KANK1: variants seen among roughly 807,000 people sequenced by gnomAD.
KANK1 encodes KN motif and ankyrin repeat domains 1, also known as KN motif and ankyrin repeat domain-containing protein 1.
Under a neutral mutation model 106.2 loss-of-function variants are expected in KANK1, and 109 were observed. The ratio of observed to expected loss-of-function variants is 1.03; its 90% CI spans 0.88 to 1.20. KANK1 has a LOEUF of 1.20. Among genes scored for constraint, KANK1 ranks in the 50% most tolerant of loss-of-function variants. KANK1 has a pLI of 0.00. For synonymous variants in KANK1, 873 were observed against 652.2 expected, an observed-to-expected ratio of 1.34 and a Z score of -5.16; for missense variants, 2,399 against 1,710.7, an observed-to-expected ratio of 1.40 and a Z score of -7.10.
In KANK1 at chr9:625,160, A is replaced by G. The variant is rs531244220; in HGVS notation, c.-83-51730A>G. Among the ~76,000 whole-genome samples, 3 of 152,294 alleles carry G rather than the reference A, an allele frequency of 2.0e-5. No homozygotes were observed. In the South Asian group the frequency reaches 6.2e-4, roughly 32 times the overall value. On this transcript the variant is annotated intron_variant, in intron 1 of 11. Coordinates refer to ENST00000382297, the MANE Select transcript of KANK1 (RefSeq NM_015158.5). ...CTTATTTGGCAGCGAATTCCTGCAG[A>G]TCAGCTCTAAGAGCCAGATTTCCTC...
intron 1 of KANK1, among the ~76,000 whole-genome samples, chr9:587,817 GC>G (rs1202820414): frequency 6.6e-6 from 1 of 152,210 alleles, no homozygotes; most frequent in Non-Finnish European, 1.5e-5. Context: ...TGTAATGCCA[GC>G]ACTTTAGGAG....
chr9:470,814 C>T (rs1168499886), intron 2 of KANK1: 1 of 152,266 alleles, frequency 6.6e-6, no homozygotes. Flanking sequence ...GGCCTTTCAC[C>T]CCCTAGTTTT....
chr9:592,493 C>T lies in KANK1; in HGVS notation c.-83-84397C>T, dbSNP rs920728941. On this transcript the variant is annotated intron_variant, in intron 1 of 11. Coordinates refer to ENST00000382297, the MANE Select transcript of KANK1 (RefSeq NM_015158.5). ...CTGTGAGCACCCCGATCCCCTAGTC[C>T]GCTCTTTCACTGGATACCTGTGTCT... is the stretch of plus-strand genomic sequence containing the variant. Among the ~76,000 whole-genome samples the T allele has an allele frequency of 6.6e-5, 10 of 151,842 alleles. No homozygotes were observed. The East Asian group carries it at 1.2e-3, about 18-fold the overall frequency.
chr9:653,460 T>C (rs1841378628), intron 1 of KANK1, among the ~76,000 whole-genome samples: 1 of 152,004 alleles, frequency 6.6e-6, no homozygotes, highest in Non-Finnish European at 1.5e-5. Flanking sequence ...AATAGGACTT[T>C]TGTTCAGATC....
intron 1 of KANK1, among the ~76,000 whole-genome samples, chr9:653,324 A>G (rs1051676574): frequency 1.3e-5 from 2 of 152,080 alleles, no homozygotes; most frequent in African/African-American, 4.8e-5. Flanking sequence ...TAGTGCTACT[A>G]CTTTGCTTGT....
At chr9:482,696 CAG>C (rs1449979525) in intron 3 of KANK1, among the ~76,000 whole-genome samples, 1 of 152,216 alleles carries the variant, frequency 6.6e-6, no homozygotes, top group African/African-American at 2.4e-5. Flanking sequence ...CTCAATGGCA[CAG>C]AATCACCTGC....
At chr9:678,476 C>T (rs1022013924) in intron 2 of KANK1, among the ~76,000 whole-genome samples, 1 of 152,130 alleles carries the variant, frequency 6.6e-6, no homozygotes, top group African/African-American at 2.4e-5. Context: ...CACCTGTAAT[C>T]CCAGCATTTT....
intron 1 of KANK1, among the ~76,000 whole-genome samples, chr9:616,045 A>G (rs910149321): frequency 1.3e-5 from 2 of 152,222 alleles, no homozygotes; most frequent in African/African-American, 4.8e-5. Flanking sequence ...ACTCTTCTGT[A>G]TCCGTCCTAC....
chr9:593,847 G>A (rs1825583570), intron 1 of KANK1, among the ~76,000 whole-genome samples: 1 of 151,882 alleles, frequency 6.6e-6, no homozygotes, highest in Non-Finnish European at 1.5e-5. Context: ...GACTTCTAGG[G>A]AATGGGATGG....
At chr9:723,676 A>T (rs574002993) in intron 3 of KANK1, among the ~76,000 whole-genome samples, 1 of 152,230 alleles carries the variant, frequency 6.6e-6, no homozygotes, top group African/African-American at 2.4e-5. Flanking sequence ...TGAATTTTTT[A>T]AAAATTTTAA....
intron 1 of KANK1, chr9:547,360 G>GT (rs1419655716): frequency 6.6e-6 from 1 of 152,188 alleles, no homozygotes; most frequent in African/African-American, 2.4e-5. Flanking sequence ...GAAGAGCAAA[G>GT]TTGCCTTTTC....
rs1228170689 is a variant in KANK1, at chr9:730,256, T to A, written c.2896+8T>A. ...TCGCCGCTGGCCTCTATGGTAACTTTTCTCACTCACAGTCATTGGCATCAG... is the reference window on the plus strand; with the variant it reads ...TCGCCGCTGGCCTCTATGGTAACTTATCTCACTCACAGTCATTGGCATCAG... On this transcript the variant is annotated splice_region_variant and intron_variant, in intron 4 of 11. Transcript: ENST00000382297. The A allele has an allele frequency of 6.2e-7, 1 of 1,613,990 alleles. No homozygotes were observed. Among genetic ancestry groups the A allele is most frequent in the Non-Finnish European group, 8.5e-7 (1 of 1,179,840 alleles).
intron 3 of KANK1, chr9:478,224 C>G (rs1312717881): frequency 1.3e-5 from 2 of 154,588 alleles, no homozygotes; most frequent in African/African-American, 4.8e-5. Flanking sequence ...TCACAGAACT[C>G]TCTGGGACCC....
In KANK1 at chr9:742,255, GGTGA is replaced by G. The variant is rs1835804046; in HGVS notation, c.3748_3751del (p.Val1250ArgfsTer46). On this transcript the variant is annotated frameshift_variant, in exon 10 of 12. Transcript: ENST00000382297. LOFTEE classifies it high-confidence loss of function. ...CGGTCAGTCACGGACGGATAGACAT[GGTGA>G]AGGGCCTTCTGGCCTGTGGGGCTGA... 6.2e-7 allele frequency: 1 copy of G among 1,614,072 alleles called. No homozygotes were observed. The highest frequency in any genetic ancestry group is 8.5e-7 in the Non-Finnish European group (1 of 1,180,038).
intron 1 of KANK1, among the ~76,000 whole-genome samples, chr9:557,195 A>G (rs1175763949): frequency 6.6e-6 from 1 of 151,934 alleles, no homozygotes; most frequent in East Asian, 1.9e-4. Flanking sequence ...AAGGAAAAAA[A>G]AAAAAAAAAA....
At position 630,011 on chromosome 9, in the gene KANK1, G is replaced by T. The variant is rs185324956; in HGVS notation, c.-83-46879G>T. On this transcript the variant is annotated intron_variant, in intron 1 of 11. Transcript: ENST00000382297. ...GCCTGTAATCCCAGCACTTTGGGAG[G>T]CTGAGAAAGGCCGATCACTTAAGGC... 2.0e-4 allele frequency among the ~76,000 whole-genome samples: 30 copies of T among 151,724 alleles called. No individual in the cohort carries two copies. The East Asian group carries it at 5.7e-3, about 29-fold the overall frequency.
intron 1 of KANK1, among the ~76,000 whole-genome samples, chr9:554,762 A>G (rs2061481442): frequency 6.6e-6 from 1 of 152,228 alleles, no homozygotes; most frequent in Admixed American, 6.5e-5. Context: ...TTGTAAATGG[A>G]AATGCCACTA....
At chr9:693,818 G>A (rs1820563792) in intron 2 of KANK1, 2 of 985,158 alleles carry the variant, frequency 2.0e-6, no homozygotes, top group Admixed American at 6.1e-5. Context: ...AGAAAGAGAG[G>A]AGGAGAGCAT....
At chr9:586,233 C>CA (rs1341057275) in intron 1 of KANK1, among the ~76,000 whole-genome samples, 5 of 152,146 alleles carry the variant, frequency 3.3e-5, no homozygotes, top group Admixed American at 1.3e-4. Flanking sequence ...CATCTGACTT[C>CA]AAAGCACAGT....
Sources: allele counts gnomAD v4.1 joint callset (sites outside exome capture counted in the v4.1 genomes callset), GRCh38; gene constraint gnomAD v4.1.1; transcripts MANE v1.5; gene names NCBI Gene and HGNC (gene_info 2026-07-23, HGNC 2026-07-21).